DDAH1: variants seen among roughly 807,000 people sequenced by gnomAD.
DDAH1 encodes dimethylarginine dimethylaminohydrolase 1, also known as N(G),N(G)-dimethylarginine dimethylaminohydrolase 1.
Under a neutral mutation model 28.8 loss-of-function variants are expected in DDAH1, and 19 were observed. The ratio of observed to expected loss-of-function variants is 0.66; its 90% CI spans 0.46 to 0.97. The LOEUF is 0.97. DDAH1 is among the 50% of genes least tolerant of loss of function. DDAH1 has a pLI of 0.00. For missense variants in DDAH1, 326 were observed against 375.9 expected (o/e 0.87, Z 1.10); for synonymous variants, 153 against 154.4 (o/e 0.99, Z 0.07).
chr1:85,467,615 A>C (rs1655431582), upstream of DDAH1: 1 of 152,238 alleles, frequency 6.6e-6, no homozygotes. Context: ...AAAAAGTGTT[A>C]GAATGTATAT....
At chr1:85,553,901 A>C (rs900186233) in intron 1 of DDAH1, among the ~76,000 whole-genome samples, 10 of 152,150 alleles carry the variant, frequency 6.6e-5, no homozygotes, top group Non-Finnish European at 4.4e-5. Context: ...CTCTCCATGG[A>C]GGGACTTTCT....
Position 85,321,360 on chromosome 1 carries a change from C to T in DDAH1, c.*92G>A. 2 of 813,806 alleles carry T rather than the reference C, an allele frequency of 2.5e-6. No homozygotes were observed. Among genetic ancestry groups the T allele is most frequent in the East Asian group, 2.4e-5 (1 of 40,960 alleles). The allele number at this position is 813,806 out of a possible 1,614,324, so 50.4% of individuals were successfully genotyped here. ...AACAAGAGTTAGTAGCACAGTGGCACAGTAGATTGTCAAGGAAAACAACAG... is the reference window on the plus strand; with the variant it reads ...AACAAGAGTTAGTAGCACAGTGGCATAGTAGATTGTCAAGGAAAACAACAG... On this transcript the variant is annotated 3_prime_UTR_variant, in exon 6 of 6. Transcript: ENST00000284031.
Position 85,363,427 on chromosome 1 carries a change from C to G in DDAH1, c.304-4580G>C, listed in dbSNP as rs233045. Among the ~76,000 whole-genome samples, 1,119 of 152,272 alleles carry G rather than the reference C, an allele frequency of 7.3e-3. 18 individuals carry two copies. The highest frequency in any genetic ancestry group is 0.026 in the African/African-American group (1,066 of 41,558). On this transcript the variant is annotated intron_variant, in intron 1 of 5. Coordinates refer to ENST00000284031, the MANE Select transcript of DDAH1 (RefSeq NM_012137.4). ...GTTTTCAATGCCTGCTTAAGTTGTC[C>G]TGGTTTCTTTGTAACTCATCACATT...
chr1:85,547,117 C>T (rs180827883), intron 1 of DDAH1, among the ~76,000 whole-genome samples: 6 of 152,156 alleles, frequency 3.9e-5, no homozygotes, highest in African/African-American at 1.2e-4. Flanking sequence ...TGAAAGAGGC[C>T]GGAGTGGAGA....
intron 4 of DDAH1, among the ~76,000 whole-genome samples, chr1:85,339,283 T>A (rs1392734867): frequency 1.3e-5 from 2 of 152,182 alleles, no homozygotes. Context: ...CCTATAACGA[T>A]GAGTCACCTC....
chr1:85,401,676 A>AT lies in DDAH1; in HGVS notation c.304-42830dup, dbSNP rs113775364. 7.0e-3 allele frequency among the ~76,000 whole-genome samples: 1,054 copies of AT among 150,832 alleles called. 11 individuals are homozygous for AT. Among genetic ancestry groups the AT allele is most frequent in the African/African-American group, 0.024 (1,000 of 41,130 alleles). ...TACCATGCCCAGCTAATTTTTAACG[A>AT]TTTTTTTGTAGAGATGGGGTTTCAC... On this transcript the variant is annotated intron_variant, in intron 1 of 5. Coordinates refer to ENST00000284031, the MANE Select transcript of DDAH1 (RefSeq NM_012137.4).
chr1:85,564,939 G>A (rs150290935), intron 1 of DDAH1, among the ~76,000 whole-genome samples: 2,996 of 152,030 alleles, frequency 0.02, 95 homozygotes, highest in African/African-American at 0.069. Context: ...GCTCACGCCT[G>A]TAATTCCAGC....
chr1:85,431,119 C>A (rs904141281), intron 1 of DDAH1, among the ~76,000 whole-genome samples: 6 of 152,050 alleles, frequency 3.9e-5, no homozygotes, highest in African/African-American at 9.7e-5. Flanking sequence ...TGAATTTTAT[C>A]CAAGGCCCTT....
chr1:85,516,317 AGTTTG>A (rs1657472811), intron 1 of DDAH1, among the ~76,000 whole-genome samples: 1 of 144,744 alleles, frequency 6.9e-6, no homozygotes, highest in South Asian at 2.3e-4. Context: ...AGCTGGACAA[AGTTTG>A]GTGGTATCAT....
chr1:85,485,275 A>G (rs1481450257), intron 2 of DDAH1, among the ~76,000 whole-genome samples: 1 of 152,234 alleles, frequency 6.6e-6, no homozygotes, highest in Non-Finnish European at 1.5e-5. Context: ...GTAAAGCATC[A>G]TATTAAGAAC....
chr1:85,543,542 C>T (rs919517956), intron 1 of DDAH1, among the ~76,000 whole-genome samples: 6 of 152,080 alleles, frequency 3.9e-5, no homozygotes, highest in African/African-American at 1.2e-4. Flanking sequence ...TGGTAATTTC[C>T]GCAATGGTTT....
intron 1 of DDAH1, among the ~76,000 whole-genome samples, chr1:85,405,960 A>C (rs1198697176): frequency 1.3e-5 from 2 of 152,234 alleles, no homozygotes; most frequent in Admixed American, 1.3e-4. Context: ...GAGCACACGG[A>C]TATTAGCCTC....
intron 1 of DDAH1, among the ~76,000 whole-genome samples, chr1:85,382,550 A>G (rs1214210823): frequency 6.6e-6 from 1 of 152,240 alleles, no homozygotes; most frequent in Admixed American, 6.5e-5. Context: ...AACACACAGC[A>G]TTGTATGTTA....
At chr1:85,503,570 C>T (rs199762252) in intron 1 of DDAH1, among the ~76,000 whole-genome samples, 8 of 110,370 alleles carry the variant, frequency 7.2e-5, no homozygotes, top group African/African-American at 2.4e-4. Context: ...TCTATCTATC[C>T]ATCTATCTAT....
chr1:85,487,645 G>A (rs1656248793), intron 2 of DDAH1, among the ~76,000 whole-genome samples: 1 of 152,022 alleles, frequency 6.6e-6, no homozygotes, highest in Non-Finnish European at 1.5e-5. Flanking sequence ...CATTCACATA[G>A]TTCAAGCATC....
At chr1:85,399,924 G>T (rs747607512) in intron 1 of DDAH1, 12 of 152,018 alleles carry the variant, frequency 7.9e-5, no homozygotes, top group Non-Finnish European at 1.5e-4. Flanking sequence ...ATAAAATGTT[G>T]CCTGATTCTA....
upstream of DDAH1, among the ~76,000 whole-genome samples, chr1:85,469,338 T>C (rs1328500149): frequency 6.6e-6 from 1 of 152,236 alleles, no homozygotes; most frequent in African/African-American, 2.4e-5. Context: ...AGAGCATAGC[T>C]TCTAGAGCCA....
At chr1:85,358,659 AAAAAAACAC>A (rs1426010788) in intron 2 of DDAH1, 80 bp downstream of exon 2, 2 of 1,089,194 alleles carry the variant, frequency 1.8e-6, no homozygotes, top group African/African-American at 3.2e-5. Context: ...AAACAAAAAC[AAAAAAACAC>A]AAAAAACTAT....
chr1:85,575,314 A>G (rs575727153), intron 1 of DDAH1, among the ~76,000 whole-genome samples: 4 of 152,336 alleles, frequency 2.6e-5, no homozygotes, highest in African/African-American at 7.2e-5. Flanking sequence ...CTGATGAACC[A>G]TCAAGTAAGT....
Sources: gnomAD v4.1 joint callset for allele counts (sites outside exome capture counted in the v4.1 genomes callset) on GRCh38, gnomAD v4.1.1 for gene constraint, MANE v1.5 for transcripts, NCBI Gene and HGNC (gene_info 2026-07-23, HGNC 2026-07-21) for gene names.